Variants in SRGAP2C observed in about 807,000 individuals in gnomAD.
SRGAP2C encodes SLIT-ROBO Rho GTPase-activating protein 2C.
Under a neutral mutation model 25.1 loss-of-function variants are expected in SRGAP2C, and 15 were observed. The observed-to-expected ratio is 0.60, with a 90% CI of 0.40 to 0.92. The LOEUF (loss-of-function observed/expected upper bound fraction) is 0.92. Among genes scored for constraint, SRGAP2C ranks in the 40% least tolerant of loss-of-function variants. The pLI, the probability that SRGAP2C is intolerant of heterozygous loss-of-function variation, is 0.00. For synonymous variants in SRGAP2C, 44 were observed against 96.6 expected, an observed-to-expected ratio of 0.46 and a Z score of 3.19; for missense variants, 144 against 264.4, an observed-to-expected ratio of 0.54 and a Z score of 3.16.
intron 6 of SRGAP2C, among the ~76,000 whole-genome samples, chr1:121,374,612 G>A (rs373367104): frequency 1.1e-3 from 163 of 152,266 alleles, no homozygotes; most frequent in Middle Eastern, 3.4e-3. Context: ...AGCGGGGCAC[G>A]CATCTTAAGT....
intron 3 of SRGAP2C, among the ~76,000 whole-genome samples, chr1:121,307,246 T>C (rs1657861996): frequency 6.8e-6 from 1 of 146,152 alleles, no homozygotes; most frequent in Non-Finnish European, 1.5e-5. Context: ...AATGCAGGTG[T>C]GAGGCACTGC....
intron 3 of SRGAP2C, among the ~76,000 whole-genome samples, chr1:121,286,365 G>A (rs1657366161): frequency 6.7e-6 from 1 of 149,090 alleles, no homozygotes; most frequent in Non-Finnish European, 1.5e-5. Context: ...TCCTGCCTCA[G>A]CCTACCTCCT....
At chr1:121,334,976 CTTTAG>C (rs1658480145) in intron 4 of SRGAP2C, among the ~76,000 whole-genome samples, 1 of 139,578 alleles carries the variant, frequency 7.2e-6, no homozygotes, top group South Asian at 2.5e-4. Context: ...TTTCTGTATG[CTTTAG>C]TTTAGATGAT....
chr1:121,370,751 A>T (rs1553350834), intron 5 of SRGAP2C, among the ~76,000 whole-genome samples: 1 of 150,900 alleles, frequency 6.6e-6, no homozygotes, highest in Non-Finnish European at 1.5e-5. Context: ...GCCTGTTCTC[A>T]GACTTTCAAT....
At chr1:121,244,001 G>C (rs868949311) in intron 2 of SRGAP2C, among the ~76,000 whole-genome samples, 61 of 146,632 alleles carry the variant, frequency 4.2e-4, no homozygotes, top group Middle Eastern at 3.2e-3. Context: ...CATATTGACA[G>C]TATTGGAGGA....
At chr1:121,307,850 T>C (rs1397704255) in intron 3 of SRGAP2C, among the ~76,000 whole-genome samples, 1 of 148,274 alleles carries the variant, frequency 6.7e-6, no homozygotes, top group Admixed American at 6.8e-5. Flanking sequence ...AACTGAAGGG[T>C]CATTTTACAG....
intron 2 of SRGAP2C, among the ~76,000 whole-genome samples, chr1:121,268,746 G>T (rs1395096033): frequency 9.2e-6 from 1 of 108,230 alleles, no homozygotes; most frequent in African/African-American, 2.7e-5. Context: ...GAACGTGCTG[G>T]GGTGTGGTCA....
At chr1:121,207,678 A>C (rs1243009158) in intron 2 of SRGAP2C, among the ~76,000 whole-genome samples, 5 of 152,216 alleles carry the variant, frequency 3.3e-5, no homozygotes, top group Non-Finnish European at 7.3e-5. Flanking sequence ...GATCAGGCTA[A>C]AACCATTTAT....
intron 2 of SRGAP2C, among the ~76,000 whole-genome samples, chr1:121,272,601 C>T (rs1288534712): frequency 1.3e-5 from 2 of 151,590 alleles, no homozygotes; most frequent in African/African-American, 4.8e-5. Flanking sequence ...TTCGGGGATT[C>T]TTTTTGTTAA....
intron 4 of SRGAP2C, among the ~76,000 whole-genome samples, chr1:121,345,845 T>A (rs1658731533): frequency 1.4e-5 from 2 of 144,110 alleles, no homozygotes; most frequent in African/African-American, 5.2e-5. Context: ...GAGACAGGGT[T>A]TCACTATGTT....
At chr1:121,310,603 A>C (rs1186752468) in intron 3 of SRGAP2C, among the ~76,000 whole-genome samples, 1 of 55,640 alleles carries the variant, frequency 1.8e-5, no homozygotes, top group Non-Finnish European at 3.4e-5. Flanking sequence ...ATTTTTGTAT[A>C]AGGTGTAAGG....
chr1:121,375,783 T>A (rs1468365122), intron 7 of SRGAP2C, among the ~76,000 whole-genome samples: 3 of 152,054 alleles, frequency 2.0e-5, no homozygotes, highest in African/African-American at 7.2e-5. Context: ...ATCACCATTA[T>A]GGGTAAGCAT....
rs1173454375 is a variant in SRGAP2C, at chr1:121,314,870, C to T, written c.261-9608C>T. 1.5e-4 allele frequency: 85 copies of T among 568,764 alleles called. 1 individual carries two copies. Among genetic ancestry groups the T allele is most frequent in the African/African-American group, 1.4e-3 (74 of 51,902 alleles). 35.2% of individuals were successfully genotyped at this position (568,764 alleles called of 1,614,324 possible). A position where few individuals can be genotyped will look rare whatever the true frequency, so the allele number is the denominator to read the frequency against. On this transcript the variant is annotated intron_variant, in intron 3 of 9. Transcript: ENST00000367123. ...CAGAAATCACCCGTCTTCTGTGTCG[C>T]TCACGCTGGGAGCTGTAGACCGGAG...
chr1:121,255,500 C>CAAG (rs1656438108), intron 2 of SRGAP2C, among the ~76,000 whole-genome samples: 1 of 151,088 alleles, frequency 6.6e-6, no homozygotes, highest in Non-Finnish European at 1.5e-5. Flanking sequence ...GATCCCAGAT[C>CAAG]AAGAGATACT....
intron 4 of SRGAP2C, among the ~76,000 whole-genome samples, chr1:121,331,885 A>G (rs1318914083): frequency 8.5e-5 from 13 of 152,164 alleles, no homozygotes; most frequent in African/African-American, 3.1e-4. Context: ...CTATAGTGAT[A>G]GAGAATAGAT....
chr1:121,307,322 G>A (rs1371527366), intron 3 of SRGAP2C, among the ~76,000 whole-genome samples: 1 of 151,898 alleles, frequency 6.6e-6, no homozygotes. Flanking sequence ...AGAAATGCTA[G>A]TTGGTGACCT....
chr1:121,376,491 CTG>C (rs1486072390), intron 7 of SRGAP2C, among the ~76,000 whole-genome samples: 1 of 40,426 alleles, frequency 2.5e-5, no homozygotes, highest in African/African-American at 1.0e-4. Flanking sequence ...CTCTAGCTAA[CTG>C]AAGAACTGGA....
chr1:121,271,217 G>A (rs1410735824), intron 2 of SRGAP2C, among the ~76,000 whole-genome samples: 1 of 148,522 alleles, frequency 6.7e-6, no homozygotes, highest in Non-Finnish European at 1.5e-5. Flanking sequence ...GTGGTGTTTA[G>A]ATCAGCAACT....
intron 7 of SRGAP2C, among the ~76,000 whole-genome samples, chr1:121,375,699 A>AT (rs1553352995): frequency 6.6e-6 from 1 of 151,196 alleles, no homozygotes; most frequent in African/African-American, 2.4e-5. Flanking sequence ...GAACTTAACT[A>AT]AAGAGTTACA....
Sources: gnomAD v4.1 joint callset for allele counts (sites outside exome capture counted in the v4.1 genomes callset) on GRCh38, gnomAD v4.1.1 for gene constraint, MANE v1.5 for transcripts, NCBI Gene and HGNC (gene_info 2026-07-23, HGNC 2026-07-21) for gene names.